Variants in KRT8 observed in about 807,000 individuals in gnomAD.
KRT8 encodes the protein keratin 8.
KRT8 carries 24 observed loss-of-function variants against 43.0 expected under a neutral mutation model. The observed-to-expected ratio is 0.56, with a 90% CI of 0.40 to 0.78. KRT8 has a LOEUF of 0.78. Among genes scored for constraint, KRT8 ranks in the 30% least tolerant of loss-of-function variants. The pLI is 0.00. For missense variants in KRT8, 492 were observed against 638.4 expected, an observed-to-expected ratio of 0.77 and a Z score of 2.47; for synonymous variants, 214 against 261.2, an observed-to-expected ratio of 0.82 and a Z score of 1.74.
intron 2 of KRT8, chr12:52,948,703 G>A (rs1942395451): frequency 2.6e-6 from 1 of 385,556 alleles, no homozygotes; most frequent in Admixed American, 4.5e-5. Context: ...TGTTGGCTAG[G>A]ATGGTCTCGA....
At chr12:52,947,007 C>T (rs1942354765) in intron 2 of KRT8, 1 of 152,964 alleles carries the variant, frequency 6.5e-6, no homozygotes, top group Non-Finnish European at 1.5e-5. Flanking sequence ...CAGGTCTGCC[C>T]TACTATTTGT....
intron 2 of KRT8, among the ~76,000 whole-genome samples, chr12:52,943,004 C>T (rs945909674): frequency 6.6e-5 from 10 of 152,074 alleles, no homozygotes; most frequent in African/African-American, 2.4e-4. Flanking sequence ...TCCACTCCCC[C>T]AGAATCTCAA....
chr12:52,922,216 A>T lies in KRT8; in HGVS notation c.-46-17189T>A, dbSNP rs979474816. On this transcript the variant is annotated intron_variant, in intron 2 of 6. Transcript: ENST00000546826. Reference sequence around the variant, plus strand: ...AAAAAAAAAAAAAAAAAAAAAAAAAAAAAAATGTAGCAAATGGGAGAGCCA... The same window carrying T: ...AAAAAAAAAAAAAAAAAAAAAAAAATAAAAATGTAGCAAATGGGAGAGCCA... Among the ~76,000 whole-genome samples, 138 of 131,926 alleles carry T rather than the reference A, an allele frequency of 1.0e-3. 2 individuals carry two copies. The highest frequency in any genetic ancestry group is 8.4e-3 in the Admixed American group (107 of 12,758). 86.5% of individuals were successfully genotyped at this position (131,926 alleles called of 152,430 possible).
At chr12:52,913,822 G>A (rs1027752843) in intron 2 of KRT8, among the ~76,000 whole-genome samples, 3 of 152,232 alleles carry the variant, frequency 2.0e-5, no homozygotes, top group African/African-American at 4.8e-5. Flanking sequence ...TGCACACACA[G>A]CCATATATAA....
intron 2 of KRT8, among the ~76,000 whole-genome samples, chr12:52,922,169 G>A (rs1417591450): frequency 1.5e-5 from 2 of 133,162 alleles, no homozygotes; most frequent in Non-Finnish European, 3.2e-5. Context: ...GGGTGACAGA[G>A]TGAGACCCTG....
In KRT8 at chr12:52,904,868, G is replaced by A. The variant is rs372044653; in HGVS notation, c.114C>T (p.Phe38=). The change falls in exon 1 of 8, where the codon TTC becomes TTT. Residue 38 remains phenylalanine (F), a synonymous_variant. Transcript: ENST00000692008. ...GAAAGTTGCTGCTGCCCACTCGGGA[G>A]AAGCTCGAGGAGCTGATGCGGGAAC... The A allele has an allele frequency of 7.2e-5, 116 of 1,612,824 alleles. No individual in the cohort carries two copies. The African/African-American group carries it at 1.3e-3, about 18-fold the overall frequency.
chr12:52,900,241 G>C (rs1941333575), intron 4 of KRT8, among the ~76,000 whole-genome samples, 176 bp from the exon 5 acceptor site: 1 of 152,112 alleles, frequency 6.6e-6, no homozygotes, highest in African/African-American at 2.4e-5. Context: ...ACCAATACTA[G>C]GTGCACAGAG....
intron 2 of KRT8, among the ~76,000 whole-genome samples, chr12:52,940,753 G>A (rs1165975145): frequency 2.6e-5 from 4 of 151,116 alleles, no homozygotes; most frequent in Admixed American, 6.6e-5. Context: ...AGCCTCCTGA[G>A]TAGCTGGGAC....
rs1025779481 is a variant in KRT8, at chr12:52,942,404, C to T, written c.-47+7052G>A. Among the ~76,000 whole-genome samples, 18 of 152,204 alleles carry T rather than the reference C, an allele frequency of 1.2e-4. 1 individual carries two copies. Among genetic ancestry groups the T allele is most frequent in the Non-Finnish European group, 2.4e-4 (16 of 68,048 alleles). On this transcript the variant is annotated intron_variant, in intron 2 of 6. Transcript: ENST00000546826. The stretch of plus-strand genomic sequence containing the variant: ...AACTCCAAAATCTTGTTTCTCCATC[C>T]TCTCTTTTCCCAAAGATTCTTAACC...
At chr12:52,906,595 G>A (rs1410303270), upstream of KRT8, 1 of 426,930 alleles carries the variant, frequency 2.3e-6, no homozygotes, top group African/African-American at 2.0e-5. Flanking sequence ...GCATGCTGTG[G>A]GTGGAAGGCA....
chr12:52,907,304 C>T (rs1941541501), upstream of KRT8, among the ~76,000 whole-genome samples: 1 of 152,170 alleles, frequency 6.6e-6, no homozygotes, highest in Non-Finnish European at 1.5e-5. Flanking sequence ...AGGACTGGGC[C>T]CAGTGCCAAA....
At chr12:52,941,828 A>G (rs1942274241) in intron 2 of KRT8, among the ~76,000 whole-genome samples, 1 of 151,528 alleles carries the variant, frequency 6.6e-6, no homozygotes, top group Non-Finnish European at 1.5e-5. Flanking sequence ...CATTCATTTG[A>G]CCTCCGTGAA....
At chr12:52,898,977 T>C in intron 5 of KRT8, 78 bp from the exon 6 acceptor site, 5 of 1,298,086 alleles carry the variant, frequency 3.9e-6, no homozygotes, top group South Asian at 3.7e-5. Flanking sequence ...TCCCTCAGGG[T>C]CCTCCCCACC....
Position 52,937,617 on chromosome 12 carries a change from G to A in KRT8, c.-47+11839C>T, listed in dbSNP as rs551503352. ...GCTCAAGAATCACTTGAATCCGGGA[G>A]GCAAATGTTGCAGTGAACCAAGATC... is the stretch of plus-strand genomic sequence containing the variant. On this transcript the variant is annotated intron_variant, in intron 2 of 6. Transcript: ENST00000546826. Among the ~76,000 whole-genome samples the A allele has an allele frequency of 2.4e-4, 37 of 151,730 alleles. No individual in the cohort carries two copies. The South Asian group carries it at 6.9e-3, about 28-fold the overall frequency.
chr12:52,932,622 T>G (rs1565730934), intron 2 of KRT8, among the ~76,000 whole-genome samples: 1 of 152,094 alleles, frequency 6.6e-6, no homozygotes, highest in East Asian at 1.9e-4. Context: ...ACTATCTTTA[T>G]TCACAGATAA....
chr12:52,907,965 G>A (rs1315380532), upstream of KRT8, among the ~76,000 whole-genome samples: 1 of 152,178 alleles, frequency 6.6e-6, no homozygotes, highest in Admixed American at 6.5e-5. Flanking sequence ...CGGACAAAAG[G>A]GAACAACGTG....
At chr12:52,898,573 G>GA in intron 6 of KRT8, 54 bp from the exon 7 acceptor site, 1 of 1,612,222 alleles carries the variant, frequency 6.2e-7, no homozygotes, top group Non-Finnish European at 8.5e-7. Flanking sequence ...TCTTGGCCCA[G>GA]AACAACAGGA....
At chr12:52,907,228 C>T (rs1329460975), upstream of KRT8, among the ~76,000 whole-genome samples, 1 of 152,116 alleles carries the variant, frequency 6.6e-6, no homozygotes, top group East Asian at 1.9e-4. Context: ...GGCATGCTAC[C>T]CCCTCCCCAA....
Position 52,943,574 on chromosome 12 carries a change from G to T in KRT8, c.-47+5882C>A, listed in dbSNP as rs1296847330. On this transcript the variant is annotated intron_variant, in intron 2 of 6. Transcript: ENST00000546826. Reference sequence around the variant, plus strand: ...CTTAGGCCACCTCACCCACAACTGGGTTTCACCCAAATCCTTGAGGGGGAT... The same window carrying T: ...CTTAGGCCACCTCACCCACAACTGGTTTTCACCCAAATCCTTGAGGGGGAT... Among the ~76,000 whole-genome samples the T allele has an allele frequency of 2.0e-5, 3 of 152,130 alleles. No homozygotes were observed. The East Asian group carries it at 5.8e-4, about 29-fold the overall frequency.
Sources: allele counts gnomAD v4.1 joint callset (sites outside exome capture counted in the v4.1 genomes callset), GRCh38; gene constraint gnomAD v4.1.1; transcripts MANE v1.5; gene names NCBI Gene and HGNC (gene_info 2026-07-23, HGNC 2026-07-21).